Variants in EVC2 observed in about 807,000 individuals in gnomAD.
EVC2 encodes the protein limbin.
In EVC2, 148 loss-of-function variants were observed where a neutral mutation model predicts 149.3. That is an observed-to-expected ratio of 0.99 (90% CI 0.87 to 1.14). EVC2 has a LOEUF of 1.14. EVC2 is among the 50% of genes most tolerant of loss of function. The pLI, the probability that EVC2 is intolerant of heterozygous loss-of-function variation, is 0.00. For missense variants in EVC2, 1,854 were observed against 1,627.3 expected (o/e 1.14, Z -2.40); for synonymous variants, 776 against 649.9 (o/e 1.19, Z -2.95).
intron 12 of EVC2, among the ~76,000 whole-genome samples, chr4:5,626,356 T>C (rs1340932709): frequency 7.0e-6 from 1 of 142,122 alleles, no homozygotes; most frequent in Non-Finnish European, 1.5e-5. Context: ...TTTTTTGAGA[T>C]GGAGTCTGGC....
At chr4:5,529,815 GTTTTTT>G in the EVC2 span, among the ~76,000 whole-genome samples, 2 of 132,084 alleles carry the variant, frequency 1.5e-5, no homozygotes, top group Admixed American at 7.6e-5. This position sits in a 1 kb window ranked among gnomAD's most constrained non-coding sequence, Gnocchi z 4.5. Flanking sequence ...AGTTATTTAG[GTTTTTT>G]TTTTTTTTTT....
chr4:5,642,244 T>C (rs1577197329), intron 9 of EVC2, among the ~76,000 whole-genome samples: 1 of 152,228 alleles, frequency 6.6e-6, no homozygotes, highest in Non-Finnish European at 1.5e-5. Context: ...CACGTCTTTA[T>C]AGTAGAAGGT....
In EVC2 at chr4:5,576,410, C is replaced by T. The variant is rs377393052; in HGVS notation, c.3102G>A (p.Gln1034=). 1.9e-6 allele frequency: 3 copies of T among 1,611,958 alleles called. No homozygotes were observed. Among genetic ancestry groups the T allele is most frequent in the Non-Finnish European group, 2.5e-6 (3 of 1,179,070 alleles). Residue 1034 remains glutamine (Q), a synonymous_variant, in exon 18 of 22, where the codon CAG becomes CAA. Coordinates refer to ENST00000344408, the MANE Select transcript of EVC2 (RefSeq NM_147127.5). This position sits in a 1 kb window ranked among gnomAD's most constrained non-coding sequence, Gnocchi z 4.5. ...LERKLEDQLV[Q]QEAAQQQQAL... The stretch of plus-strand genomic sequence containing the variant: ...CCTGCTGCTGCTGGGCTGCCTCCTG[C>T]TGCACCAGCTGGTCCTCCAGCTTCC...
At chr4:5,561,765 G>A (rs1488161307), downstream of EVC2, among the ~76,000 whole-genome samples, 1 of 152,056 alleles carries the variant, frequency 6.6e-6, no homozygotes, top group Non-Finnish European at 1.5e-5. Context: ...ATGGGAATAG[G>A]GATACTCACC....
intron 21 of EVC2, among the ~76,000 whole-genome samples, chr4:5,552,309 C>T (rs1721752797): frequency 6.6e-6 from 1 of 152,182 alleles, no homozygotes; most frequent in African/African-American, 2.4e-5. Flanking sequence ...GCATTTACAA[C>T]ATTATAACTA....
At chr4:5,703,406 C>T (rs11935446) in intron 1 of EVC2, among the ~76,000 whole-genome samples, 37,187 of 152,082 alleles carry the variant, frequency 0.24, 4,616 homozygotes, top group African/African-American at 0.26. Context: ...GAGACTCAGG[C>T]ACGTTGAGTG....
In EVC2 at chr4:5,564,299, C is replaced by T. The variant is rs901220310; in HGVS notation, c.3659+959G>A. On this transcript the variant is annotated intron_variant, in intron 21 of 21. Coordinates refer to ENST00000344408, the MANE Select transcript of EVC2 (RefSeq NM_147127.5). Reference sequence around the variant, plus strand: ...CATCATGTCTCTTGATCTGTATCCACTCCACTTCTATTAGTGCAGCCTAGG... The same window carrying T: ...CATCATGTCTCTTGATCTGTATCCATTCCACTTCTATTAGTGCAGCCTAGG... Among the ~76,000 whole-genome samples, 20 of 152,228 alleles carry T rather than the reference C, an allele frequency of 1.3e-4. No homozygotes were observed. The East Asian group carries it at 3.8e-3, about 29-fold the overall frequency.
At chr4:5,662,381 C>A (rs532137384) in intron 9 of EVC2, among the ~76,000 whole-genome samples, 2 of 149,542 alleles carry the variant, frequency 1.3e-5, no homozygotes, top group African/African-American at 4.9e-5. Context: ...ACACGCATAT[C>A]CCTAAACTTA....
Position 5,622,527 on chromosome 4 carries a change from A to T in EVC2, c.2501+10T>A, listed in dbSNP as rs1715766118. ...GGGGAGGGGTGATTACGACCCGCAAAGGCACTCACATGAAGATCAGGTGCT... is the reference window on the plus strand; with the variant it reads ...GGGGAGGGGTGATTACGACCCGCAATGGCACTCACATGAAGATCAGGTGCT... On this transcript the variant is annotated intron_variant, in intron 14 of 21. Transcript: ENST00000344408. The surrounding 1 kb of genome is among the most constrained non-coding windows in gnomAD (Gnocchi z 5.8). The T allele has an allele frequency of 6.2e-7, 1 of 1,613,102 alleles. No individual in the cohort carries two copies. Among genetic ancestry groups the T allele is most frequent in the Non-Finnish European group, 8.5e-7 (1 of 1,179,670 alleles).
intron 9 of EVC2, among the ~76,000 whole-genome samples, chr4:5,652,531 C>T (rs1254788175): frequency 6.6e-6 from 1 of 152,096 alleles, no homozygotes; most frequent in East Asian, 1.9e-4. Flanking sequence ...AAGGCCGAGA[C>T]GAAGGTGTCA....
rs1560243709 is a variant in EVC2 at position 5,706,421 on chromosome 4, G to GATAC, written c.228+1864_228+1865insGTAT. On this transcript the variant is annotated intron_variant, in intron 1 of 21. Transcript: ENST00000344408. Reference sequence around the variant, plus strand: ...AGATAGATAGATAGATACATAGATAGATAGATACATAGATAGATAGATAGA... The same window carrying GATAC: ...AGATAGATAGATAGATACATAGATAGATACATAGATACATAGATAGATAGATAGA... Among the ~76,000 whole-genome samples, 16 of 89,430 alleles carry GATAC rather than the reference G, an allele frequency of 1.8e-4. 1 individual carries two copies. The highest frequency in any genetic ancestry group is 3.7e-4 in the African/African-American group (7 of 18,872). 58.7% of individuals were successfully genotyped at this position (89,430 alleles called of 152,430 possible). A position where few individuals can be genotyped will look rare whatever the true frequency, so the allele number is the denominator to read the frequency against.
the EVC2 span, among the ~76,000 whole-genome samples, chr4:5,533,671 C>T: frequency 6.6e-6 from 1 of 152,216 alleles, no homozygotes; most frequent in African/African-American, 2.4e-5. Flanking sequence ...CTGCACTACC[C>T]ATGTATCTGC....
Position 5,592,575 on chromosome 4 carries a change from A to G in EVC2, c.2830-7725T>C, listed in dbSNP as rs116074494. Among the ~76,000 whole-genome samples the G allele has an allele frequency of 3.2e-3, 488 of 152,368 alleles. 1 individual carries two copies. Among genetic ancestry groups the G allele is most frequent in the African/African-American group, 0.011 (469 of 41,576 alleles). On this transcript the variant is annotated intron_variant, in intron 16 of 21. Transcript: ENST00000344408. ...GTTGCAGCTGGTGCCAGGGAACAGC[A>G]GTCTCCCAACAGATAGTAAAGACTT...
At chr4:5,564,605 G>T (rs897284820) in intron 21 of EVC2, among the ~76,000 whole-genome samples, 7 of 152,168 alleles carry the variant, frequency 4.6e-5, no homozygotes. Flanking sequence ...TGATATCACT[G>T]TTTAACCCCT....
In EVC2 at chr4:5,625,276, G is replaced by A. The variant is rs1197594697; in HGVS notation, c.2046+473C>T. ...TAGAGTCCCCAAATACATGCCATGC[G>A]TGCCACTTACTAGATATTTGACCTT... On this transcript the variant is annotated intron_variant, in intron 13 of 21. Transcript: ENST00000344408. This position sits in a 1 kb window ranked among gnomAD's most constrained non-coding sequence, Gnocchi z 4.0. 3.3e-5 allele frequency among the ~76,000 whole-genome samples: 5 copies of A among 150,584 alleles called. No homozygotes were observed. The highest frequency in any genetic ancestry group is 7.4e-5 in the Non-Finnish European group (5 of 67,800).
intron 9 of EVC2, among the ~76,000 whole-genome samples, chr4:5,647,899 C>T (rs1057127950): frequency 6.6e-6 from 1 of 152,078 alleles, no homozygotes; most frequent in Non-Finnish European, 1.5e-5. Context: ...CGAAGGAAGC[C>T]GACATAGGAG....
rs879157493 is a variant in EVC2, at chr4:5,663,437, A to T, written c.1006-191T>A. On this transcript the variant is annotated intron_variant, in intron 8 of 21. Coordinates refer to ENST00000344408, the MANE Select transcript of EVC2 (RefSeq NM_147127.5). ...TCTGTTTTCTCTGCAAAGAAATGGG[A>T]TCATAATTCTACTAGCCCTGCATGA... Among the ~76,000 whole-genome samples the T allele has an allele frequency of 2.0e-5, 3 of 152,338 alleles. No individual in the cohort carries two copies. In the South Asian group the frequency reaches 6.2e-4, roughly 32 times the overall value.
intron 21 of EVC2, among the ~76,000 whole-genome samples, chr4:5,550,842 C>T (rs1242303678): frequency 6.6e-6 from 1 of 152,230 alleles, no homozygotes; most frequent in East Asian, 1.9e-4. Context: ...TGGTGCCCTG[C>T]ATCCCAGCTG....
At chr4:5,692,335 C>T (rs1470763844) in intron 3 of EVC2, among the ~76,000 whole-genome samples, 1 of 152,130 alleles carries the variant, frequency 6.6e-6, no homozygotes, top group African/African-American at 2.4e-5. Flanking sequence ...GCCTAATAAC[C>T]ATAAAATGTC....
Sources: allele counts gnomAD v4.1 joint callset (sites outside exome capture counted in the v4.1 genomes callset), GRCh38; gene constraint gnomAD v4.1.1; non-coding constraint Gnocchi (gnomAD v3.1); transcripts MANE v1.5; gene names NCBI Gene and HGNC (gene_info 2026-07-23, HGNC 2026-07-21).